Variants in MYOM1 observed in about 807,000 individuals in gnomAD.
MYOM1 encodes the protein myomesin 1, also known as myomesin-1.
A neutral mutation model predicts 205.3 loss-of-function variants in MYOM1; 164 were observed. That is an observed-to-expected ratio of 0.80 (90% CI 0.70 to 0.91). The LOEUF (loss-of-function observed/expected upper bound fraction) is 0.91, where lower values mean the gene tolerates loss of function less well. MYOM1 is among the 40% of genes least tolerant of loss of function. The pLI is 0.00. For synonymous variants in MYOM1, 772 were observed against 789.4 expected (o/e 0.98, Z 0.37); for missense variants, 2,011 against 2,127.3 (o/e 0.95, Z 1.08).
intron 18 of MYOM1, among the ~76,000 whole-genome samples, chr18:3,127,305 A>ATTTTTTTTTTTTTTTTTTTT (rs1555620545): frequency 2.1e-5 from 1 of 47,580 alleles, no homozygotes; most frequent in African/African-American, 9.2e-5. Context: ...ATATATATAT[A>ATTTTTTTTTTTTTTTTTTTT]TTTTTTTTTT....
At chr18:3,154,828 T>C in intron 11 of MYOM1, 119 bp downstream of exon 11, 1 of 1,071,102 alleles carries the variant, frequency 9.3e-7, no homozygotes, top group South Asian at 1.6e-5. Context: ...GATACAGAAA[T>C]AGAAAGAGGA....
At chr18:3,102,660 T>A (rs2079397070) in intron 22 of MYOM1, 30 bp from the exon 23 acceptor site, 2 of 1,593,786 alleles carry the variant, frequency 1.3e-6, no homozygotes, top group East Asian at 4.5e-5. Context: ...GCACTGATAC[T>A]TCGTGGAGGA....
chr18:3,215,102 T>C lies in MYOM1; in HGVS notation c.122A>G (p.Gln41Arg), dbSNP rs1471057382. 1.2e-6 allele frequency: 2 copies of C among 1,613,804 alleles called. No individual in the cohort carries two copies. Among genetic ancestry groups the C allele is most frequent in the East Asian group, 2.2e-5 (1 of 44,854 alleles). ...GCGGCTGCTGTAGGCCGTGGAGCCC[T>C]GGGTGTAGACGGCGGAGCGTTTCTT... ...REKKRSAVYTQGSTAYSSRSS... is the reference protein window; with the variant it reads ...REKKRSAVYTRGSTAYSSRSS... Residue 41 changes from glutamine (Q) to arginine (R), a missense_variant, in exon 2 of 38, where the codon CAG becomes CGG. Gln to Arg is a conservative substitution (Grantham distance 43, BLOSUM62 1). Coordinates refer to ENST00000356443, the MANE Select transcript of MYOM1 (RefSeq NM_003803.4).
Position 3,135,031 on chromosome 18 carries a change from C to T in MYOM1, c.2210-207G>A. 2 of 507,964 alleles carry T rather than the reference C, an allele frequency of 3.9e-6. No individual in the cohort carries two copies. The highest frequency in any genetic ancestry group is 2.2e-5 in the South Asian group (1 of 44,828). The allele number at this position is 507,964 out of a possible 1,614,324, so 31.5% of individuals were successfully genotyped here. A position where few individuals can be genotyped will look rare whatever the true frequency, so the allele number is the denominator to read the frequency against. ...TGGCGGGATCTCGGCTCACTGCAGC[C>T]CCCACCTCCTGGGTTCAGGCAATTT... On this transcript the variant is annotated intron_variant, in intron 15 of 37. Coordinates refer to ENST00000356443, the MANE Select transcript of MYOM1 (RefSeq NM_003803.4). The surrounding 1 kb of genome is among the most constrained non-coding windows in gnomAD (Gnocchi z 4.1).
At chr18:3,115,685 T>G (rs891097841) in intron 21 of MYOM1, among the ~76,000 whole-genome samples, 1 of 152,180 alleles carries the variant, frequency 6.6e-6, no homozygotes, top group African/African-American at 2.4e-5. Context: ...CGGAAAATAT[T>G]CTTTCGAAAT....
chr18:3,191,434 G>A (rs1425987264), intron 3 of MYOM1, among the ~76,000 whole-genome samples: 2 of 152,124 alleles, frequency 1.3e-5, no homozygotes, highest in Non-Finnish European at 2.9e-5. Context: ...CCAAAACGTT[G>A]ATATATTAAT....
chr18:3,097,622 G>T (rs1273938289), intron 25 of MYOM1, among the ~76,000 whole-genome samples: 1 of 152,020 alleles, frequency 6.6e-6, no homozygotes, highest in Non-Finnish European at 1.5e-5. Flanking sequence ...GACCAGGCTG[G>T]TCTTGAACTC....
At chr18:3,214,057 T>C (rs1293382863) in intron 2 of MYOM1, among the ~76,000 whole-genome samples, 1 of 152,248 alleles carries the variant, frequency 6.6e-6, no homozygotes, top group East Asian at 1.9e-4. Context: ...TTGGTTCCTA[T>C]TATTCTTAGA....
intron 34 of MYOM1, among the ~76,000 whole-genome samples, chr18:3,077,953 A>G (rs1037639803): frequency 2.0e-5 from 3 of 152,072 alleles, no homozygotes; most frequent in Non-Finnish European, 4.4e-5. Context: ...AGCACCAAAA[A>G]CACTCACAGC....
chr18:3,186,786 G>C lies in MYOM1; in HGVS notation c.929+694C>G, dbSNP rs2080817794. ...GAAGGAAAGGAAGGAAGGAAGGAGA[G>C]AGAGAAAGAAAGAAAGAGAAAGAAA... On this transcript the variant is annotated intron_variant, in intron 5 of 37. Transcript: ENST00000356443. 5.6e-5 allele frequency among the ~76,000 whole-genome samples: 7 copies of C among 124,154 alleles called. No individual in the cohort carries two copies. The Admixed American group carries it at 5.7e-4, about 10-fold the overall frequency. The allele number at this position is 124,154 out of a possible 152,430, so 81.4% of individuals were successfully genotyped here.
At chr18:3,214,760 A>T (rs565712183) in intron 2 of MYOM1, among the ~76,000 whole-genome samples, 174 bp downstream of exon 2, 1 of 152,292 alleles carries the variant, frequency 6.6e-6, no homozygotes, top group Non-Finnish European at 1.5e-5. Flanking sequence ...GAGGCAGCAG[A>T]GGTTGCAGGG....
intron 13 of MYOM1, among the ~76,000 whole-genome samples, chr18:3,146,693 CCT>C (rs1057018870): frequency 4.6e-5 from 7 of 151,886 alleles, no homozygotes; most frequent in Admixed American, 1.3e-4. Flanking sequence ...ATGCTTTCCC[CCT>C]GACATCAGGA....
Position 3,169,983 on chromosome 18 carries a change from T to C in MYOM1, c.1175-1002A>G, listed in dbSNP as rs547330681. Among the ~76,000 whole-genome samples the C allele has an allele frequency of 2.6e-5, 4 of 152,282 alleles. No homozygotes were observed. In the South Asian group the frequency reaches 6.2e-4, roughly 24 times the overall value. ...TCAGCAAAAAAAAAGATTGAAATCC[T>C]GTCATTTGCAACAACATAGATGGAA... On this transcript the variant is annotated intron_variant, in intron 8 of 37. Transcript: ENST00000356443.
intron 9 of MYOM1, 118 bp from the exon 10 acceptor site, chr18:3,164,557 G>GACTTCCTCTA: frequency 4.0e-6 from 4 of 1,002,814 alleles, no homozygotes; most frequent in Non-Finnish European, 5.7e-6. Context: ...AACTACTAGA[G>GACTTCCTCTA]GAAGTCTCTA....
chr18:3,079,654 T>C (rs1191958427), intron 33 of MYOM1, among the ~76,000 whole-genome samples: 1 of 152,126 alleles, frequency 6.6e-6, no homozygotes, highest in Non-Finnish European at 1.5e-5. Flanking sequence ...TGGGTTTATT[T>C]GTAGGACTAG....
intron 33 of MYOM1, among the ~76,000 whole-genome samples, chr18:3,080,504 T>A (rs1259822108): frequency 6.6e-6 from 1 of 151,916 alleles, no homozygotes; most frequent in Non-Finnish European, 1.5e-5. Flanking sequence ...TGAAACCCTG[T>A]CTCTACTAAA....
At position 3,189,303 on chromosome 18, in the gene MYOM1, CT is replaced by C; in HGVS notation, c.432-217del. 6.6e-6 allele frequency among the ~76,000 whole-genome samples: 1 copy of C among 152,122 alleles called. No homozygotes were observed. The highest frequency in any genetic ancestry group is 2.1e-4 in the South Asian group (1 of 4,816). Reference sequence around the variant, plus strand: ...AACAATAATAACACCTATGATGGCCCTGGTGCTTTTCACATACACTATCTTG... The same window carrying C: ...AACAATAATAACACCTATGATGGCCCGGTGCTTTTCACATACACTATCTTG... On this transcript the variant is annotated intron_variant, in intron 3 of 37. Coordinates refer to ENST00000356443, the MANE Select transcript of MYOM1 (RefSeq NM_003803.4). This position sits in a 1 kb window ranked among gnomAD's most constrained non-coding sequence, Gnocchi z 4.8.
At chr18:3,078,073 G>A (rs565313392) in intron 34 of MYOM1, among the ~76,000 whole-genome samples, 39 of 150,694 alleles carry the variant, frequency 2.6e-4, no homozygotes, top group African/African-American at 4.6e-4. Context: ...ACAGAGTCTC[G>A]CTCTGTAGCC....
At chr18:3,140,801 T>TA (rs1034213456) in intron 14 of MYOM1, among the ~76,000 whole-genome samples, 5 of 151,568 alleles carry the variant, frequency 3.3e-5, no homozygotes, top group Admixed American at 6.6e-5. Context: ...CATATTTTTA[T>TA]AAAAAAAAAT....
Sources: gnomAD v4.1 joint callset for allele counts (sites outside exome capture counted in the v4.1 genomes callset) on GRCh38, gnomAD v4.1.1 for gene constraint, Gnocchi (gnomAD v3.1) non-coding constraint, MANE v1.5 for transcripts, NCBI Gene and HGNC (gene_info 2026-07-23, HGNC 2026-07-21) for gene names.